The following INPP5A variants were observed in gnomAD, a reference collection of about 807,000 sequenced individuals.
The protein encoded by INPP5A is inositol polyphosphate-5-phosphatase A, also known as 43 kDa inositol polyphosphate 5-phophatase.
A neutral mutation model predicts 65.2 loss-of-function variants in INPP5A; 14 were observed. That is an observed-to-expected ratio of 0.21 (90% CI 0.14 to 0.34). INPP5A has a LOEUF of 0.34. Among genes scored for constraint, INPP5A ranks in the 10% least tolerant of loss-of-function variants. INPP5A has a pLI of 1.00. For missense variants in INPP5A, 431 were observed against 545.6 expected (o/e 0.79, Z 2.09); for synonymous variants, 207 against 208.3 (o/e 0.99, Z 0.05).
intron 9 of INPP5A, among the ~76,000 whole-genome samples, chr10:132,733,675 C>T (rs1019103083): frequency 2.0e-5 from 3 of 152,154 alleles, no homozygotes; most frequent in Non-Finnish European, 4.4e-5. Context: ...GTTTGGGGAC[C>T]CCTCATACCG....
rs573534593 is a variant in INPP5A at position 132,678,068 on chromosome 10, G to A, written c.307-12324G>A. On this transcript the variant is annotated intron_variant, in intron 4 of 15. Transcript: ENST00000368594. This position sits in a 1 kb window ranked among gnomAD's most constrained non-coding sequence, Gnocchi z 4.1. ...GGCTCGGCAGGAGGCCAGACAGGGG[G>A]ACACCTTGGTGCCGTCATCCCGTTT... is the stretch of plus-strand genomic sequence containing the variant. Among the ~76,000 whole-genome samples, 358 of 152,340 alleles carry A rather than the reference G, an allele frequency of 2.4e-3. No individual in the cohort carries two copies. Among genetic ancestry groups the A allele is most frequent in the African/African-American group, 8.2e-3 (340 of 41,574 alleles).
At chr10:132,776,574 ACTCTG>A (rs1847066866) in intron 12 of INPP5A, among the ~76,000 whole-genome samples, 3 of 152,036 alleles carry the variant, frequency 2.0e-5, no homozygotes, top group Non-Finnish European at 4.4e-5. Context: ...AACTCTTGAG[ACTCTG>A]GTGAAGGCCC....
rs140978675 is a variant in INPP5A at position 132,731,563 on chromosome 10, G to A, written c.732+4658G>A. On this transcript the variant is annotated intron_variant, in intron 9 of 15. Coordinates refer to ENST00000368594, the MANE Select transcript of INPP5A (RefSeq NM_005539.5). ...CAGACGCAGGTGTTTTCAGCAGCAG[G>A]TTTTCTTCGCTGGTGCCGTTTGTTG... Among the ~76,000 whole-genome samples the A allele has an allele frequency of 3.1e-3, 477 of 152,316 alleles. 7 individuals are homozygous for A. Among genetic ancestry groups the A allele is most frequent in the African/African-American group, 0.011 (455 of 41,572 alleles).
chr10:132,568,070 A>G (rs910923779), intron 1 of INPP5A, among the ~76,000 whole-genome samples: 3 of 151,696 alleles, frequency 2.0e-5, no homozygotes, highest in Non-Finnish European at 2.9e-5. Flanking sequence ...GCGTGCCTGT[A>G]GTCCCAGCTA....
chr10:132,570,975 G>A (rs988608284), intron 1 of INPP5A, among the ~76,000 whole-genome samples: 2 of 152,250 alleles, frequency 1.3e-5, no homozygotes, highest in African/African-American at 4.8e-5. Context: ...GGGGGCTGAG[G>A]GATGAAAACG....
intron 2 of INPP5A, among the ~76,000 whole-genome samples, chr10:132,613,220 G>C (rs571170175): frequency 6.6e-6 from 1 of 152,142 alleles, no homozygotes; most frequent in African/African-American, 2.4e-5. Context: ...GGTTCCTCCT[G>C]TGACCTGCAG....
chr10:132,595,203 G>C (rs2071670033), intron 1 of INPP5A, among the ~76,000 whole-genome samples: 1 of 152,204 alleles, frequency 6.6e-6, no homozygotes, highest in Non-Finnish European at 1.5e-5. Context: ...GGGGCCAGCT[G>C]TGCCTTTGCA....
At chr10:132,745,925 G>A (rs1481532721) in intron 9 of INPP5A, among the ~76,000 whole-genome samples, 2 of 152,190 alleles carry the variant, frequency 1.3e-5, no homozygotes, top group Non-Finnish European at 2.9e-5. Context: ...AGAACAGGCG[G>A]GTGCGTGAGA....
At chr10:132,694,647 C>T (rs1845317980) in intron 5 of INPP5A, among the ~76,000 whole-genome samples, 1 of 152,026 alleles carries the variant, frequency 6.6e-6, no homozygotes, top group South Asian at 2.1e-4. Context: ...ATCGATAAAC[C>T]TCTAGCCAGA....
At position 132,651,826 on chromosome 10, in the gene INPP5A, C is replaced by G. The variant is rs2072580705; in HGVS notation, c.306+1321C>G. On this transcript the variant is annotated intron_variant, in intron 4 of 15. Transcript: ENST00000368594. This position sits in a 1 kb window ranked among gnomAD's most constrained non-coding sequence, Gnocchi z 5.0. ...ACACAGCTGTCATGCGTGGTCCCCA[C>G]CAGTAGTGGAGTCTGTACAATCCCG... 6.6e-6 allele frequency among the ~76,000 whole-genome samples: 1 copy of G among 152,228 alleles called. No individual in the cohort carries two copies. Among genetic ancestry groups the G allele is most frequent in the Non-Finnish European group, 1.5e-5 (1 of 68,040 alleles).
intron 13 of INPP5A, among the ~76,000 whole-genome samples, chr10:132,780,579 G>A (rs1017266899): frequency 3.3e-5 from 5 of 152,324 alleles, no homozygotes; most frequent in East Asian, 1.9e-4. Flanking sequence ...CTCCCCACGC[G>A]ACCCCTCCTA....
At chr10:132,631,756 T>A (rs867541226) in intron 2 of INPP5A, among the ~76,000 whole-genome samples, 53 of 152,352 alleles carry the variant, frequency 3.5e-4, no homozygotes, top group Middle Eastern at 6.8e-3. Context: ...GTGAACGTGC[T>A]TTTTCTTGCC....
At chr10:132,606,964 T>C (rs2071865043) in intron 1 of INPP5A, among the ~76,000 whole-genome samples, 1 of 152,222 alleles carries the variant, frequency 6.6e-6, no homozygotes, top group African/African-American at 2.4e-5. Context: ...ATGGAAACTC[T>C]ACCCTTTTAG....
intron 4 of INPP5A, among the ~76,000 whole-genome samples, chr10:132,672,407 G>T (rs925929848): frequency 6.6e-6 from 1 of 152,150 alleles, no homozygotes; most frequent in Non-Finnish European, 1.5e-5. Flanking sequence ...GGGACCCTGC[G>T]GGAGGCAAGG....
chr10:132,728,536 C>T (rs1037408500), intron 9 of INPP5A, among the ~76,000 whole-genome samples: 1 of 152,248 alleles, frequency 6.6e-6, no homozygotes, highest in East Asian at 1.9e-4. Context: ...GCGGCATTTC[C>T]GGCAGGTCTG....
chr10:132,633,366 C>T (rs2072298662), intron 2 of INPP5A, among the ~76,000 whole-genome samples: 1 of 152,102 alleles, frequency 6.6e-6, no homozygotes, highest in Admixed American at 6.5e-5. Context: ...AATAGTAGGT[C>T]ACGAAAACCC....
At position 132,710,453 on chromosome 10, in the gene INPP5A, ACAGGTAGGTGTGGGCGGG is replaced by A. The variant is rs1260379273; in HGVS notation, c.647+6_647+23del. The A allele has an allele frequency of 1.5e-5, 25 of 1,613,286 alleles. No homozygotes were observed. The highest frequency in any genetic ancestry group is 2.0e-5 in the Non-Finnish European group (24 of 1,179,872). On this transcript the variant is annotated splice_donor_variant and splice_donor_5th_base_variant and coding_sequence_variant and intron_variant, in exon 8 of 16. Coordinates refer to ENST00000368594, the MANE Select transcript of INPP5A (RefSeq NM_005539.5). LOFTEE classifies it high-confidence loss of function. ...CACAAGGCACTGGGCTACGTGCTGG[ACAGGTAGGTGTGGGCGGG>A]CAGGTAGGCGTGGGCCGGGCAAGTA...
chr10:132,578,345 CA>C (rs1188468826), intron 1 of INPP5A, among the ~76,000 whole-genome samples: 1 of 152,182 alleles, frequency 6.6e-6, no homozygotes, highest in Non-Finnish European at 1.5e-5. Context: ...CGAGCCTTAT[CA>C]AAGACCCTGG....
At chr10:132,669,320 C>T (rs942184552) in intron 4 of INPP5A, among the ~76,000 whole-genome samples, 54 of 152,324 alleles carry the variant, frequency 3.5e-4, no homozygotes, top group African/African-American at 1.3e-3. Flanking sequence ...GCCCCGTGAG[C>T]GCCAGGTGTT....
Sources: gnomAD v4.1 joint callset for allele counts (sites outside exome capture counted in the v4.1 genomes callset) on GRCh38, gnomAD v4.1.1 for gene constraint, Gnocchi (gnomAD v3.1) non-coding constraint, MANE v1.5 for transcripts, NCBI Gene and HGNC (gene_info 2026-07-23, HGNC 2026-07-21) for gene names.